FYCO1: variants seen among roughly 807,000 people sequenced by gnomAD.
FYCO1 encodes the protein FYVE and coiled-coil domain-containing protein 1.
A neutral mutation model predicts 165.1 loss-of-function variants in FYCO1; 122 were observed. That is an observed-to-expected ratio of 0.74 (90% CI 0.64 to 0.86). FYCO1 has a LOEUF of 0.86. Among genes scored for constraint, FYCO1 ranks in the 40% least tolerant of loss-of-function variants. FYCO1 has a pLI of 0.00. For synonymous variants in FYCO1, 648 were observed against 742.5 expected, an observed-to-expected ratio of 0.87 and a Z score of 2.07; for missense variants, 1,702 against 1,810.3, an observed-to-expected ratio of 0.94 and a Z score of 1.09.
intron 14 of FYCO1, chr3:45,947,938 A>G (rs1336512668): frequency 1.2e-5 from 2 of 173,274 alleles, no homozygotes; most frequent in African/African-American, 5.2e-5. Context: ...AGATCAGAGC[A>G]GCAGTGAAAA....
Position 45,923,732 on chromosome 3 carries a change from T to C in FYCO1, c.4285A>G (p.Lys1429Glu). The change falls in exon 17 of 18, where the codon AAG becomes GAG. Residue 1429 changes from lysine to glutamate, a missense_variant. Physicochemically the swap from Lys to Glu is moderately conservative, Grantham distance 56. Transcript: ENST00000296137. ...LIPTTRCNSH[K>E]ENIQGQLKVR... ...TTGAGCTGGCCCTGGATGTTCTCCT[T>C]GTGGGAGTTGCATCGGGTCGTGGGA... The C allele has an allele frequency of 6.2e-7, 1 of 1,614,116 alleles. No individual in the cohort carries two copies. The highest frequency in any genetic ancestry group is 8.5e-7 in the Non-Finnish European group (1 of 1,180,000).
chr3:45,932,753 C>T (rs1703694034), intron 15 of FYCO1, among the ~76,000 whole-genome samples: 1 of 152,228 alleles, frequency 6.6e-6, no homozygotes, highest in Non-Finnish European at 1.5e-5. Context: ...CTCCAATACT[C>T]ACCTTTGTGA....
intron 17 of FYCO1, among the ~76,000 whole-genome samples, chr3:45,922,797 G>T (rs534930993): frequency 1.2e-4 from 19 of 152,308 alleles, no homozygotes; most frequent in African/African-American, 4.1e-4. Flanking sequence ...GTCCTGTCTA[G>T]TTATTCTGCT....
At position 45,967,438 on chromosome 3, in the gene FYCO1, G is replaced by A. The variant is rs1442727719; in HGVS notation, c.1896C>T (p.Asn632=). The A allele has an allele frequency of 6.2e-7, 1 of 1,613,558 alleles. No individual in the cohort carries two copies. The highest frequency in any genetic ancestry group is 1.7e-5 in the Admixed American group (1 of 60,028). Residue 632 remains asparagine, a synonymous_variant, in exon 8 of 18, where the codon AAC becomes AAT. Transcript: ENST00000296137. ...CTTGCAGCTTGCCCTCCAGGAGCTG[G>A]TTACGCCCGACCACATTCTGTAGCT... The part of the protein sequence containing the change: ...EKELQNVVGR[N]QLLEGKLQAL...
chr3:45,922,985 C>T (rs72892906), intron 17 of FYCO1, among the ~76,000 whole-genome samples: 84 of 152,310 alleles, frequency 5.5e-4, no homozygotes, highest in African/African-American at 1.8e-3. Context: ...AAATGATTGG[C>T]AGATACTCAG....
In FYCO1 at chr3:45,962,171, A is replaced by C. The variant is rs1439772288; in HGVS notation, c.3437+54T>G. On this transcript the variant is annotated intron_variant, in intron 11 of 17. Transcript: ENST00000296137. This position sits in a 1 kb window ranked among gnomAD's most constrained non-coding sequence, Gnocchi z 4.4. ...TTCAAGAACAGCTGCATTTCTTTAG[A>C]GAAAAACCCCAGTGTGGGGAAAACC... The C allele has an allele frequency of 1.9e-6, 3 of 1,586,502 alleles. No homozygotes were observed. The highest frequency in any genetic ancestry group is 2.7e-5 in the African/African-American group (2 of 74,434).
In FYCO1 at chr3:45,979,728, G is replaced by A. The variant is rs141476300; in HGVS notation, c.265C>T (p.Arg89Cys). 1.6e-4 allele frequency: 253 copies of A among 1,613,972 alleles called. 1 individual carries two copies. Among genetic ancestry groups the A allele is most frequent in the African/African-American group, 6.9e-4 (52 of 75,032 alleles). Reference sequence around the variant, plus strand: ...ACCTCTGAGATAGACTTGACAAAGCGGATCCCATCATTGGCTCCTTTCACC... The same window carrying A: ...ACCTCTGAGATAGACTTGACAAAGCAGATCCCATCATTGGCTCCTTTCACC... Reference protein sequence around the residue: ...AKVKGANDGIRFVKSISELRT... With the variant: ...AKVKGANDGICFVKSISELRT... The change falls in exon 4 of 18, where the codon CGC becomes TGC. Residue 89 changes from arginine to cysteine, a missense_variant. By Grantham distance (180) the Arg-to-Cys change is radical. Coordinates refer to ENST00000296137, the MANE Select transcript of FYCO1 (RefSeq NM_024513.4).
rs372618031 is a variant in FYCO1, at chr3:45,921,783, A to G, written c.4419T>C (p.Asp1473=). 9.9e-6 allele frequency: 16 copies of G among 1,611,218 alleles called. No individual in the cohort carries two copies. The highest frequency in any genetic ancestry group is 1.4e-5 in the Non-Finnish European group (16 of 1,177,386). Residue 1473 remains aspartate (D), a synonymous_variant, in exon 18 of 18, where the codon GAT becomes GAC. Coordinates refer to ENST00000296137, the MANE Select transcript of FYCO1 (RefSeq NM_024513.4). ...GCTGAAGCTACAGGAAATCACTTCCATCGTAGATCACAGGCCGATCAACCG... is the reference window on the plus strand; with the variant it reads ...GCTGAAGCTACAGGAAATCACTTCCGTCGTAGATCACAGGCCGATCAACCG... ...HLTVDRPVIY[D]GSDFL is the part of the protein sequence containing the mutation.
rs200679450 is a variant in FYCO1, at chr3:45,969,730, C to T, written c.575G>A (p.Trp192Ter). The change falls in exon 7 of 18, where the codon TGG becomes TAG. Residue 192 changes from tryptophan (W) to a stop codon, truncating the protein, a stop_gained. Coordinates refer to ENST00000296137, the MANE Select transcript of FYCO1 (RefSeq NM_024513.4). LOFTEE classifies it high-confidence loss of function. ...GCTGGAGCTGCGGCTAGGGGGTTTC[C>T]ACAGGTAAGCAGAAGAGCCAGTGGT... ...TLTTGSSAYL[W>*]KPPSRSSSMS... is the part of the protein sequence containing the mutation. 6.2e-7 allele frequency: 1 copy of T among 1,613,988 alleles called. No individual in the cohort carries two copies. Among genetic ancestry groups the T allele is most frequent in the Non-Finnish European group, 8.5e-7 (1 of 1,179,998 alleles).
At chr3:45,981,532 A>G (rs1358958649) in intron 3 of FYCO1, 38 bp downstream of exon 3, 1 of 1,247,612 alleles carries the variant, frequency 8.0e-7, no homozygotes, top group South Asian at 1.2e-5. Context: ...GAAAAGAGAT[A>G]CCAGTGCAAA....
chr3:45,932,447 A>G (rs932604570), intron 15 of FYCO1, among the ~76,000 whole-genome samples: 5 of 152,244 alleles, frequency 3.3e-5, no homozygotes, highest in Non-Finnish European at 7.3e-5. Context: ...AAAAGAGGAA[A>G]CTAAGATTCT....
In FYCO1 at chr3:45,964,958, G is replaced by T; in HGVS notation, c.3150+75C>A. 8.6e-7 allele frequency: 1 copy of T among 1,165,808 alleles called. No homozygotes were observed. Among genetic ancestry groups the T allele is most frequent in the Non-Finnish European group, 1.3e-6 (1 of 782,100 alleles). The allele number at this position is 1,165,808 out of a possible 1,614,324, so 72.2% of individuals were successfully genotyped here. On this transcript the variant is annotated intron_variant, in intron 9 of 17. Transcript: ENST00000296137. This position sits in a 1 kb window ranked among gnomAD's most constrained non-coding sequence, Gnocchi z 4.1. ...GCTTGGGAATCTGGAGGCATGCAGG[G>T]AGCCCTCTTAAATGGTCCAGTCAAA...
chr3:45,954,699 T>A (rs1054470496), intron 14 of FYCO1, among the ~76,000 whole-genome samples: 2 of 152,114 alleles, frequency 1.3e-5, no homozygotes, highest in East Asian at 1.9e-4. Flanking sequence ...AATGATTAAG[T>A]TAAGATGATG....
chr3:45,974,408 C>T (rs1355679990), intron 5 of FYCO1, among the ~76,000 whole-genome samples: 1 of 152,206 alleles, frequency 6.6e-6, no homozygotes, highest in Non-Finnish European at 1.5e-5. Flanking sequence ...ACATCTAAAA[C>T]AAAATAACCT....
intron 15 of FYCO1, among the ~76,000 whole-genome samples, chr3:45,934,006 A>G (rs1703764455): frequency 6.6e-6 from 1 of 152,050 alleles, no homozygotes; most frequent in Non-Finnish European, 1.5e-5. Flanking sequence ...AAAAAAAATC[A>G]CTGGACACTC....
In FYCO1 at chr3:45,965,594, A is replaced by G. The variant is rs935496345; in HGVS notation, c.3058-469T>C. On this transcript the variant is annotated intron_variant, in intron 8 of 17. Coordinates refer to ENST00000296137, the MANE Select transcript of FYCO1 (RefSeq NM_024513.4). ...TCTTTGTGTACTATCAAAGGCACAT[A>G]GTAACTGCTCATCTCATTAACTTGT... Among the ~76,000 whole-genome samples the G allele has an allele frequency of 2.6e-5, 4 of 152,262 alleles. No homozygotes were observed. In the East Asian group the frequency reaches 5.8e-4, roughly 22 times the overall value.
intron 1 of FYCO1, among the ~76,000 whole-genome samples, chr3:45,994,470 T>C (rs1425366824): frequency 6.6e-6 from 1 of 152,162 alleles, no homozygotes; most frequent in Non-Finnish European, 1.5e-5. Flanking sequence ...GACAATTAGC[T>C]CTTATTTTCA....
chr3:45,977,785 G>A (rs567469415), intron 4 of FYCO1, among the ~76,000 whole-genome samples: 12 of 152,186 alleles, frequency 7.9e-5, no homozygotes, highest in South Asian at 4.2e-4. Context: ...AATAGCTACC[G>A]CCTACCTCAA....
At chr3:45,933,075 A>G (rs144252301) in intron 15 of FYCO1, among the ~76,000 whole-genome samples, 5 of 152,332 alleles carry the variant, frequency 3.3e-5, no homozygotes, top group Non-Finnish European at 5.9e-5. Flanking sequence ...GACATCATCT[A>G]TTCAGTGACA....
Sources: gnomAD v4.1 joint callset for allele counts (sites outside exome capture counted in the v4.1 genomes callset) on GRCh38, gnomAD v4.1.1 for gene constraint, Gnocchi (gnomAD v3.1) non-coding constraint, MANE v1.5 for transcripts, NCBI Gene and HGNC (gene_info 2026-07-23, HGNC 2026-07-21) for gene names.